PTPRK: variants seen among roughly 807,000 people sequenced by gnomAD.
PTPRK encodes the protein protein tyrosine phosphatase receptor type K.
Under a neutral mutation model 178.0 loss-of-function variants are expected in PTPRK, and 75 were observed. That is an observed-to-expected ratio of 0.42 (90% CI 0.35 to 0.51). The LOEUF is 0.51. Among genes scored for constraint, PTPRK ranks in the 20% least tolerant of loss-of-function variants. The probability of loss-of-function intolerance (pLI) is 0.02; values close to 1 mark genes in which losing one functional copy is unlikely to be tolerated. For missense variants in PTPRK, 1,441 were observed against 1,797.8 expected, an observed-to-expected ratio of 0.80 and a Z score of 3.59; for synonymous variants, 637 against 620.6, an observed-to-expected ratio of 1.03 and a Z score of -0.39.
At chr6:128,209,969 G>A (rs1317201052) in intron 6 of PTPRK, among the ~76,000 whole-genome samples, 1 of 152,134 alleles carries the variant, frequency 6.6e-6, no homozygotes, top group Non-Finnish European at 1.5e-5. Context: ...AGAACAGGAA[G>A]CTGCCAGTGC....
chr6:128,503,314 A>C (rs1855835442), intron 1 of PTPRK, among the ~76,000 whole-genome samples: 1 of 152,180 alleles, frequency 6.6e-6, no homozygotes, highest in African/African-American at 2.4e-5. Context: ...CATTTTCCCA[A>C]GTACATTTTG....
At chr6:128,200,679 C>T (rs1000206607) in intron 6 of PTPRK, among the ~76,000 whole-genome samples, 1 of 151,114 alleles carries the variant, frequency 6.6e-6, no homozygotes, top group Non-Finnish European at 1.5e-5. Flanking sequence ...TGTAGTGAAC[C>T]AGTCTAGGTG....
At chr6:128,368,250 A>G (rs953604968) in intron 2 of PTPRK, among the ~76,000 whole-genome samples, 1 of 152,104 alleles carries the variant, frequency 6.6e-6, no homozygotes, top group Non-Finnish European at 1.5e-5. Flanking sequence ...AAACTGAAGG[A>G]GGAACTAAGA....
rs1177642742 is a variant in PTPRK, at chr6:127,973,298, C to A, written c.4134-141G>T. On this transcript the variant is annotated intron_variant, in intron 28 of 29. Coordinates refer to ENST00000368226, the MANE Select transcript of PTPRK (RefSeq NM_002844.4). Reference sequence around the variant, plus strand: ...GTCTTAATTTTGCTTTATATGTGTACAAGGCAGAGAGGAGAAAACTTGAGG... The same window carrying A: ...GTCTTAATTTTGCTTTATATGTGTAAAAGGCAGAGAGGAGAAAACTTGAGG... The A allele has an allele frequency of 2.9e-6, 4 of 1,369,206 alleles. No individual in the cohort carries two copies. In the African/African-American group the frequency reaches 5.8e-5, roughly 20 times the overall value. 84.8% of individuals were successfully genotyped at this position (1,369,206 alleles called of 1,614,324 possible).
intron 3 of PTPRK, among the ~76,000 whole-genome samples, chr6:128,247,638 G>A (rs570553542): frequency 6.6e-6 from 1 of 152,116 alleles, no homozygotes; most frequent in Non-Finnish European, 1.5e-5. Flanking sequence ...CCCTTTAACT[G>A]TAACTTTAAC....
At chr6:128,428,047 C>A (rs368694780) in intron 1 of PTPRK, among the ~76,000 whole-genome samples, 1 of 152,022 alleles carries the variant, frequency 6.6e-6, no homozygotes, top group East Asian at 1.9e-4. Flanking sequence ...GAGCCGAGAT[C>A]ACGCCACTGC....
chr6:128,044,830 T>C (rs1407029294), intron 13 of PTPRK, among the ~76,000 whole-genome samples: 1 of 151,986 alleles, frequency 6.6e-6, no homozygotes, highest in East Asian at 1.9e-4. Flanking sequence ...TTTGTATATA[T>C]GTGTGTGTGT....
At chr6:127,986,688 AT>A (rs1562386092) in intron 21 of PTPRK, among the ~76,000 whole-genome samples, 1 of 152,152 alleles carries the variant, frequency 6.6e-6, no homozygotes, top group East Asian at 1.9e-4. Context: ...AGGAAAAAAA[AT>A]CCCACTATAA....
intron 13 of PTPRK, among the ~76,000 whole-genome samples, chr6:128,021,240 C>A (rs1773452641): frequency 6.6e-6 from 1 of 152,196 alleles, no homozygotes; most frequent in Admixed American, 6.5e-5. Context: ...AACAAACACA[C>A]CCAAAATACT....
intron 7 of PTPRK, among the ~76,000 whole-genome samples, chr6:128,181,574 A>G (rs2114686147): frequency 6.6e-6 from 1 of 152,176 alleles, no homozygotes; most frequent in African/African-American, 2.4e-5. Flanking sequence ...ACTTCCTCCA[A>G]AGGTTATTTT....
intron 7 of PTPRK, among the ~76,000 whole-genome samples, chr6:128,178,704 T>TG (rs1801473378): frequency 6.6e-6 from 1 of 151,702 alleles, no homozygotes; most frequent in Admixed American, 6.6e-5. Context: ...TCTATCTATA[T>TG]GCATGTTTTC....
At chr6:128,149,946 A>C (rs891753905) in intron 7 of PTPRK, among the ~76,000 whole-genome samples, 1 of 152,194 alleles carries the variant, frequency 6.6e-6, no homozygotes, top group Non-Finnish European at 1.5e-5. Context: ...TCTGAGAGTT[A>C]CAACATGCCA....
At chr6:128,340,810 T>A (rs780575662) in intron 2 of PTPRK, 1 of 476,566 alleles carries the variant, frequency 2.1e-6, no homozygotes, top group South Asian at 1.6e-5. Context: ...TTGGTTTTGA[T>A]CATAATGAAA....
intron 1 of PTPRK, chr6:128,518,910 G>C (rs1443124269): frequency 1.3e-5 from 6 of 454,040 alleles, no homozygotes; most frequent in Non-Finnish European, 2.7e-5. Flanking sequence ...GCAATGGAAG[G>C]GAAATAAACG....
At chr6:128,012,449 G>A (rs1313532620) in intron 13 of PTPRK, among the ~76,000 whole-genome samples, 3 of 151,194 alleles carry the variant, frequency 2.0e-5, no homozygotes, top group African/African-American at 7.3e-5. Context: ...TATAATTTCT[G>A]CACATACACA....
At chr6:128,086,784 G>GT (rs1785913490) in intron 8 of PTPRK, among the ~76,000 whole-genome samples, 1 of 151,956 alleles carries the variant, frequency 6.6e-6, no homozygotes, top group African/African-American at 2.4e-5. Flanking sequence ...AAGAGTTTAC[G>GT]TATCAATCAT....
At position 128,196,622 on chromosome 6, in the gene PTPRK, T is replaced by C. The variant is rs773904693; in HGVS notation, c.869-11897A>G. Among the ~76,000 whole-genome samples, 11 of 152,068 alleles carry C rather than the reference T, an allele frequency of 7.2e-5. 1 individual carries two copies. In the South Asian group the frequency reaches 1.2e-3, roughly 17 times the overall value. On this transcript the variant is annotated intron_variant, in intron 6 of 29. Coordinates refer to ENST00000368226, the MANE Select transcript of PTPRK (RefSeq NM_002844.4). ...GGAGTCCTAGTTCTATAATCCAACA[T>C]GCACAGCAAGAGAAATTTCCAGGCT...
At chr6:128,279,499 T>A (rs1245523318) in intron 3 of PTPRK, among the ~76,000 whole-genome samples, 1 of 152,178 alleles carries the variant, frequency 6.6e-6, no homozygotes, top group Non-Finnish European at 1.5e-5. Context: ...GTAAATCTGT[T>A]ATGGCAGCAG....
chr6:128,351,229 T>C (rs1833081890), intron 2 of PTPRK, among the ~76,000 whole-genome samples: 1 of 152,160 alleles, frequency 6.6e-6, no homozygotes, highest in African/African-American at 2.4e-5. Flanking sequence ...TAAGCGGTGG[T>C]GATATAAACA....
Sources: gnomAD v4.1 joint callset for allele counts (sites outside exome capture counted in the v4.1 genomes callset) on GRCh38, gnomAD v4.1.1 for gene constraint, MANE v1.5 for transcripts, NCBI Gene and HGNC (gene_info 2026-07-23, HGNC 2026-07-21) for gene names.